ANO4: variants seen among roughly 807,000 people sequenced by gnomAD.
ANO4 encodes the protein anoctamin 4, also known as anoctamin-4.
Under a neutral mutation model 141.9 loss-of-function variants are expected in ANO4, and 69 were observed. That is an observed-to-expected ratio of 0.49 (90% CI 0.40 to 0.59). ANO4 has a LOEUF of 0.59. ANO4 is among the 20% of genes least tolerant of loss of function. ANO4 has a pLI of 0.00. For synonymous variants in ANO4, 350 were observed against 394.3 expected, an observed-to-expected ratio of 0.89 and a Z score of 1.33; for missense variants, 894 against 1,162.2, an observed-to-expected ratio of 0.77 and a Z score of 3.36.
At chr12:100,726,024 C>T (rs1224510612) in intron 1 of ANO4, among the ~76,000 whole-genome samples, 1 of 152,188 alleles carries the variant, frequency 6.6e-6, no homozygotes, top group Non-Finnish European at 1.5e-5. Flanking sequence ...GCCAGTCTAA[C>T]TTGCCATTTA....
intron 4 of ANO4, among the ~76,000 whole-genome samples, chr12:100,941,106 G>A (rs561384614): frequency 5.9e-5 from 9 of 151,516 alleles, no homozygotes; most frequent in East Asian, 1.9e-4. Flanking sequence ...ATATTGGAGT[G>A]TATGAAAACA....
chr12:100,868,577 T>C (rs79077902), intron 1 of ANO4, among the ~76,000 whole-genome samples: 1,728 of 152,248 alleles, frequency 0.011, 34 homozygotes, highest in African/African-American at 0.039. Flanking sequence ...TTTATCTCCA[T>C]TGATAACAAA....
intron 8 of ANO4, among the ~76,000 whole-genome samples, chr12:101,009,761 T>C (rs2046008557): frequency 1.3e-5 from 2 of 152,122 alleles, no homozygotes; most frequent in South Asian, 4.1e-4. Flanking sequence ...GTCTTGTCTT[T>C]CGGTTCAGAA....
chr12:100,800,927 C>G (rs1046231194), intron 1 of ANO4, among the ~76,000 whole-genome samples: 1 of 152,210 alleles, frequency 6.6e-6, no homozygotes, highest in East Asian at 1.9e-4. Flanking sequence ...ATGCTATTTC[C>G]TCTTCTCTCT....
chr12:100,778,147 C>T (rs528395643), intron 3 of ANO4, among the ~76,000 whole-genome samples: 23 of 152,228 alleles, frequency 1.5e-4, no homozygotes, highest in African/African-American at 5.5e-4. Context: ...TCTCGATCTC[C>T]TGACCTCGTG....
chr12:100,984,085 G>C (rs1452996808), intron 7 of ANO4, among the ~76,000 whole-genome samples: 1 of 152,050 alleles, frequency 6.6e-6, no homozygotes, highest in Non-Finnish European at 1.5e-5. Flanking sequence ...TGCCCAACCA[G>C]TGTCTCGGGG....
chr12:101,113,939 C>T (rs1028041615), intron 24 of ANO4, among the ~76,000 whole-genome samples: 2 of 152,224 alleles, frequency 1.3e-5, no homozygotes, highest in East Asian at 3.8e-4. Context: ...GAAGTGCCTA[C>T]AGAGGCCATC....
intron 1 of ANO4, among the ~76,000 whole-genome samples, chr12:100,895,984 G>T (rs2040330786): frequency 6.6e-6 from 1 of 152,144 alleles, no homozygotes; most frequent in Non-Finnish European, 1.5e-5. Context: ...ACAGAGTAAA[G>T]TGGGAGGCAT....
intron 9 of ANO4, among the ~76,000 whole-genome samples, chr12:101,024,150 T>TA (rs1356385264): frequency 6.6e-6 from 1 of 152,252 alleles, no homozygotes; most frequent in Admixed American, 6.5e-5. Context: ...AAGATTTATT[T>TA]AACAATGTGG....
At chr12:100,978,440 A>G (rs1307365695) in intron 7 of ANO4, among the ~76,000 whole-genome samples, 1 of 152,238 alleles carries the variant, frequency 6.6e-6, no homozygotes, top group East Asian at 1.9e-4. Context: ...ATTAAATGCC[A>G]TCAAGTCCAA....
intron 3 of ANO4, among the ~76,000 whole-genome samples, chr12:100,923,160 A>T (rs1021695265): frequency 1.6e-4 from 24 of 151,860 alleles, no homozygotes; most frequent in African/African-American, 5.8e-4. Flanking sequence ...ATTATACTTT[A>T]AGTTCTAGGG....
chr12:100,829,290 T>G (rs2036519055), intron 1 of ANO4, among the ~76,000 whole-genome samples: 1 of 152,066 alleles, frequency 6.6e-6, no homozygotes, highest in Non-Finnish European at 1.5e-5. Flanking sequence ...CAATCCTCAG[T>G]TTTCTTATCA....
At chr12:100,848,778 C>G (rs1176670274) in intron 1 of ANO4, among the ~76,000 whole-genome samples, 7 of 152,234 alleles carry the variant, frequency 4.6e-5, no homozygotes, top group African/African-American at 1.7e-4. Context: ...ATGTTTTGCC[C>G]CCTCCATGTC....
intron 8 of ANO4, among the ~76,000 whole-genome samples, chr12:100,991,078 A>C (rs2045077473): frequency 6.6e-6 from 1 of 152,192 alleles, no homozygotes; most frequent in Non-Finnish European, 1.5e-5. Flanking sequence ...GGACCAAGAG[A>C]ATAGAGGCAA....
intron 1 of ANO4, among the ~76,000 whole-genome samples, chr12:100,859,657 A>G (rs2038369919): frequency 6.6e-6 from 1 of 152,232 alleles, no homozygotes; most frequent in Non-Finnish European, 1.5e-5. Context: ...TTGCATCCAT[A>G]TAGTAGCATC....
At chr12:100,918,710 A>G (rs1029827115) in intron 2 of ANO4, among the ~76,000 whole-genome samples, 3 of 152,192 alleles carry the variant, frequency 2.0e-5, no homozygotes, top group Non-Finnish European at 4.4e-5. Context: ...ACATACAGTT[A>G]TTTACAGTAT....
chr12:100,922,429 A>C (rs567724403), intron 3 of ANO4, 99 bp downstream of exon 3: 1 of 765,104 alleles, frequency 1.3e-6, no homozygotes, highest in Non-Finnish European at 2.0e-6. Context: ...CAAGCTTTAA[A>C]AAATATTAAC....
chr12:100,845,546 A>T (rs926599495), intron 1 of ANO4, among the ~76,000 whole-genome samples: 1 of 152,174 alleles, frequency 6.6e-6, no homozygotes, highest in Non-Finnish European at 1.5e-5. Flanking sequence ...AAATTTGCTT[A>T]TATTTTTATA....
At chr12:100,937,692 T>C (rs1435091955) in intron 3 of ANO4, among the ~76,000 whole-genome samples, 1 of 152,200 alleles carries the variant, frequency 6.6e-6, no homozygotes, top group African/African-American at 2.4e-5. Flanking sequence ...ATGTTTATTA[T>C]CTTATACTTC....
Sources: allele counts gnomAD v4.1 joint callset (sites outside exome capture counted in the v4.1 genomes callset), GRCh38; gene constraint gnomAD v4.1.1; transcripts MANE v1.5; gene names NCBI Gene and HGNC (gene_info 2026-07-23, HGNC 2026-07-21).